The following SBF2 variants were observed in gnomAD, a reference collection of about 807,000 sequenced individuals.
SBF2 encodes SET binding factor 2.
A neutral mutation model predicts 225.2 loss-of-function variants in SBF2; 112 were observed. The observed-to-expected ratio is 0.50, with a 90% CI of 0.43 to 0.58. The LOEUF (loss-of-function observed/expected upper bound fraction) is 0.58, where lower values mean the gene tolerates loss of function less well. SBF2 is among the 20% of genes least tolerant of loss of function. The pLI is 0.00. For missense variants in SBF2, 1,996 were observed against 2,206.2 expected (o/e 0.90, Z 1.91); for synonymous variants, 763 against 773.3 (o/e 0.99, Z 0.22).
chr11:9,844,208 T>C (rs954098274), intron 24 of SBF2, among the ~76,000 whole-genome samples: 1 of 152,200 alleles, frequency 6.6e-6, no homozygotes, highest in Non-Finnish European at 1.5e-5. Context: ...TTGCTCATGC[T>C]TCAGCATACC....
At chr11:10,221,861 C>T (rs1001518895) in intron 1 of SBF2, among the ~76,000 whole-genome samples, 1 of 152,106 alleles carries the variant, frequency 6.6e-6, no homozygotes, top group African/African-American at 2.4e-5. Flanking sequence ...TAGCAAGTAC[C>T]TAAAACTCTA....
At chr11:10,133,452 G>C (rs1385222748) in intron 2 of SBF2, among the ~76,000 whole-genome samples, 1 of 146,938 alleles carries the variant, frequency 6.8e-6, no homozygotes, top group African/African-American at 2.5e-5. Context: ...CCTGCCCCGT[G>C]GGAGGGCAGC....
At chr11:10,118,489 T>C (rs1034632826) in intron 2 of SBF2, among the ~76,000 whole-genome samples, 2 of 150,728 alleles carry the variant, frequency 1.3e-5, no homozygotes, top group African/African-American at 4.9e-5. Context: ...TAATTCTGGC[T>C]TAGTATCAAA....
intron 2 of SBF2, among the ~76,000 whole-genome samples, chr11:10,166,152 A>G (rs972863396): frequency 6.6e-6 from 1 of 152,220 alleles, no homozygotes; most frequent in East Asian, 1.9e-4. Context: ...CATAAGGCTG[A>G]ATGAATCATA....
At chr11:10,196,196 T>C (rs558209165) in intron 1 of SBF2, among the ~76,000 whole-genome samples, 1 of 152,324 alleles carries the variant, frequency 6.6e-6, no homozygotes, top group South Asian at 2.1e-4. Context: ...ATATAGTCTA[T>C]ACTGAGTAAA....
chr11:10,016,231 C>T (rs959052151), intron 6 of SBF2, among the ~76,000 whole-genome samples: 8 of 152,058 alleles, frequency 5.3e-5, no homozygotes, highest in Non-Finnish European at 8.8e-5. Flanking sequence ...AGGAACTTTA[C>T]GTTACTCATA....
intron 16 of SBF2, among the ~76,000 whole-genome samples, chr11:9,946,814 G>A (rs1486889728): frequency 6.6e-6 from 1 of 152,056 alleles, no homozygotes; most frequent in Non-Finnish European, 1.5e-5. Flanking sequence ...GATATAACTA[G>A]GTAAGATACT....
chr11:10,163,393 CT>C (rs532620327), intron 2 of SBF2, among the ~76,000 whole-genome samples: 2 of 152,108 alleles, frequency 1.3e-5, no homozygotes, highest in Non-Finnish European at 2.9e-5. Flanking sequence ...ATGAAGTCTC[CT>C]AGAACTGCTC....
intron 1 of SBF2, among the ~76,000 whole-genome samples, chr11:10,284,015 CTT>C (rs762032494): frequency 3.0e-4 from 45 of 152,124 alleles, no homozygotes; most frequent in Non-Finnish European, 5.0e-4. Context: ...TATAAAATAA[CTT>C]ATGTCATTAA....
chr11:9,841,873 G>A (rs549389533), intron 25 of SBF2, among the ~76,000 whole-genome samples: 23 of 152,212 alleles, frequency 1.5e-4, no homozygotes, highest in South Asian at 4.1e-4. Context: ...AATGGAGACC[G>A]GTTAGCCAGT....
chr11:9,824,450 G>A (rs1403756503), intron 28 of SBF2, among the ~76,000 whole-genome samples: 3 of 151,760 alleles, frequency 2.0e-5, no homozygotes, highest in Non-Finnish European at 4.4e-5. Context: ...CCAGCTACTC[G>A]GGAGGCTGAG....
Position 10,029,875 on chromosome 11 carries a change from C to T in SBF2, c.403G>A (p.Ala135Thr). 6.3e-7 allele frequency: 1 copy of T among 1,597,648 alleles called. No individual in the cohort carries two copies. Among genetic ancestry groups the T allele is most frequent in the South Asian group, 1.1e-5 (1 of 90,720 alleles). The part of the protein sequence containing the change: ...SRLYYPEIFR[A>T]CLGLIYTVYV... ...ACGGTATAGATCAAACCCAGGCAAGCCTGCAAAAAGATAAATACATGTAAT... is the reference window on the plus strand; with the variant it reads ...ACGGTATAGATCAAACCCAGGCAAGTCTGCAAAAAGATAAATACATGTAAT... The change falls in exon 5 of 40, where the codon GCT (alanine) becomes ACT (threonine). Residue 135 changes from alanine to threonine, a missense_variant and splice_region_variant. Coordinates refer to ENST00000256190, the MANE Select transcript of SBF2 (RefSeq NM_030962.4).
chr11:9,801,195 A>C (rs1318106066), intron 32 of SBF2, among the ~76,000 whole-genome samples: 2 of 152,200 alleles, frequency 1.3e-5, no homozygotes, highest in African/African-American at 4.8e-5. Context: ...TTGTTGTTCA[A>C]AATAATTTTG....
At chr11:10,098,517 A>G (rs959009789) in intron 2 of SBF2, among the ~76,000 whole-genome samples, 1 of 151,954 alleles carries the variant, frequency 6.6e-6, no homozygotes, top group Non-Finnish European at 1.5e-5. Context: ...CCAAAGAAAC[A>G]AAGTAAATTT....
intron 1 of SBF2, among the ~76,000 whole-genome samples, chr11:10,243,901 A>G (rs945150764): frequency 3.9e-5 from 6 of 152,210 alleles, no homozygotes; most frequent in African/African-American, 1.4e-4. Flanking sequence ...TTCTTAAATT[A>G]TTTCAAAAAA....
At chr11:10,272,334 T>C (rs556583674) in intron 1 of SBF2, 4 of 702,156 alleles carry the variant, frequency 5.7e-6, no homozygotes, top group South Asian at 2.2e-5. Context: ...TCACTGTAAC[T>C]AAGGCTTACT....
At position 10,151,194 on chromosome 11, in the gene SBF2, C is replaced by A. The variant is rs973698192; in HGVS notation, c.141+42708G>T. On this transcript the variant is annotated intron_variant, in intron 2 of 39. Coordinates refer to ENST00000256190, the MANE Select transcript of SBF2 (RefSeq NM_030962.4). The stretch of plus-strand genomic sequence containing the variant: ...ATGCATACATACACAATACTTTATA[C>A]CTCTAAAAATATCCAGTAATCTAGT... Among the ~76,000 whole-genome samples the A allele has an allele frequency of 2.6e-5, 4 of 152,152 alleles. 1 individual carries two copies. In the South Asian group the frequency reaches 8.3e-4, roughly 32 times the overall value.
intron 1 of SBF2, among the ~76,000 whole-genome samples, chr11:10,245,831 C>G (rs1325070768): frequency 6.6e-6 from 1 of 152,088 alleles, no homozygotes. Flanking sequence ...AGGTATCTTG[C>G]CATTTGTGAC....
At chr11:10,102,921 A>T (rs1952374137) in intron 2 of SBF2, among the ~76,000 whole-genome samples, 2 of 152,224 alleles carry the variant, frequency 1.3e-5, no homozygotes, top group African/African-American at 4.8e-5. Flanking sequence ...CTTTAGCATT[A>T]AAGATGCACT....
Sources: allele counts gnomAD v4.1 joint callset (sites outside exome capture counted in the v4.1 genomes callset), GRCh38; gene constraint gnomAD v4.1.1; transcripts MANE v1.5; gene names NCBI Gene and HGNC (gene_info 2026-07-23, HGNC 2026-07-21).